Variants in KCNMA1 observed in about 807,000 individuals in gnomAD.
KCNMA1 encodes Calcium-activated potassium channel subunit alpha-1.
Under a neutral mutation model 140.0 loss-of-function variants are expected in KCNMA1, and 29 were observed. That is an observed-to-expected ratio of 0.21 (90% CI 0.15 to 0.28). The LOEUF (loss-of-function observed/expected upper bound fraction) is 0.28, where lower values mean the gene tolerates loss of function less well. Among genes scored for constraint, KCNMA1 ranks in the 10% least tolerant of loss-of-function variants. KCNMA1 has a pLI of 1.00. For missense variants in KCNMA1, 880 were observed against 1,602.2 expected, an observed-to-expected ratio of 0.55 and a Z score of 7.70; for synonymous variants, 612 against 611.9, an observed-to-expected ratio of 1.00 and a Z score of 0.00.
At chr10:77,230,718 C>A (rs2053293184) in intron 3 of KCNMA1, among the ~76,000 whole-genome samples, 1 of 152,166 alleles carries the variant, frequency 6.6e-6, no homozygotes, top group Non-Finnish European at 1.5e-5. Context: ...TCAAGTGTAA[C>A]TGAGAGCCTC....
intron 14 of KCNMA1, among the ~76,000 whole-genome samples, chr10:77,060,120 A>G (rs1297090706): frequency 2.0e-5 from 3 of 152,216 alleles, no homozygotes; most frequent in Non-Finnish European, 4.4e-5. Flanking sequence ...GACATAGTAA[A>G]GATGTCAGTG....
At chr10:77,262,208 C>A (rs2062201447) in intron 2 of KCNMA1, among the ~76,000 whole-genome samples, 1 of 152,156 alleles carries the variant, frequency 6.6e-6, no homozygotes, top group Non-Finnish European at 1.5e-5. Flanking sequence ...TCTCTCCATA[C>A]AATGGAATAC....
intron 6 of KCNMA1, among the ~76,000 whole-genome samples, chr10:77,113,467 T>G (rs2097373556): frequency 6.6e-6 from 1 of 152,128 alleles, no homozygotes. Context: ...ATTTTTATTT[T>G]ATTTTTTATT....
chr10:77,108,187 G>T lies in KCNMA1; in HGVS notation c.1223+294C>A. The T allele has an allele frequency of 2.1e-6, 2 of 959,342 alleles. No individual in the cohort carries two copies. Among genetic ancestry groups the T allele is most frequent in the Non-Finnish European group, 3.0e-6 (2 of 666,452 alleles). 59.4% of individuals were successfully genotyped at this position (959,342 alleles called of 1,614,324 possible). A position where few individuals can be genotyped will look rare whatever the true frequency, so the allele number is the denominator to read the frequency against. ...AGAAACTGGGCCTTCCCTCACAGAA[G>T]CACCCGGTGGGGTTGGGGAGGGGCA... On this transcript the variant is annotated intron_variant, in intron 9 of 27. Coordinates refer to ENST00000286628, the MANE Select transcript of KCNMA1 (RefSeq NM_001161352.2). This position sits in a 1 kb window ranked among gnomAD's most constrained non-coding sequence, Gnocchi z 4.6.
intron 2 of KCNMA1, among the ~76,000 whole-genome samples, chr10:77,298,442 A>G (rs758917080): frequency 3.3e-5 from 5 of 152,098 alleles, no homozygotes; most frequent in African/African-American, 4.8e-5. Flanking sequence ...GGGTTTCGTC[A>G]TGTTGGCCAG....
At chr10:77,366,298 AGTT>A (rs1451015409) in intron 2 of KCNMA1, among the ~76,000 whole-genome samples, 8 of 152,042 alleles carry the variant, frequency 5.3e-5, no homozygotes, top group Admixed American at 4.6e-4. Flanking sequence ...CCCCTGGAGT[AGTT>A]GAGATTACAG....
intron 13 of KCNMA1, 78 bp downstream of exon 13, chr10:77,079,403 T>TGA (rs1018539442): frequency 1.1e-5 from 9 of 799,270 alleles, no homozygotes; most frequent in East Asian, 9.8e-5. Context: ...TGTGTGTGTG[T>TGA]GAGCCTGTAT....
At chr10:77,047,380 T>A (rs73290332) in intron 14 of KCNMA1, among the ~76,000 whole-genome samples, 4 of 152,124 alleles carry the variant, frequency 2.6e-5, no homozygotes, top group Non-Finnish European at 5.9e-5. Context: ...AGAGGGCGAT[T>A]AAAAGACTAC....
intron 25 of KCNMA1, among the ~76,000 whole-genome samples, chr10:76,897,933 T>A (rs551091141): frequency 1.3e-5 from 2 of 151,868 alleles, no homozygotes; most frequent in East Asian, 3.8e-4. Flanking sequence ...AGAAAATACA[T>A]CTATAGAATG....
At chr10:77,035,823 C>T (rs904583011) in intron 15 of KCNMA1, among the ~76,000 whole-genome samples, 5 of 152,070 alleles carry the variant, frequency 3.3e-5, no homozygotes, top group African/African-American at 9.7e-5. Context: ...GACATTAACC[C>T]GTACTGACAG....
Position 77,108,238 on chromosome 10 carries a change from A to G in KCNMA1, c.1223+243T>C. 7.3e-7 allele frequency: 1 copy of G among 1,368,592 alleles called. No homozygotes were observed. The highest frequency in any genetic ancestry group is 9.6e-7 in the Non-Finnish European group (1 of 1,037,162). 84.8% of individuals were successfully genotyped at this position (1,368,592 alleles called of 1,614,324 possible). Reference sequence around the variant, plus strand: ...GAATTCAGATGGCACCTCCACAGGGACTCCTGAAAGTCACTCAACCACATC... The same window carrying G: ...GAATTCAGATGGCACCTCCACAGGGGCTCCTGAAAGTCACTCAACCACATC... On this transcript the variant is annotated intron_variant, in intron 9 of 27. Transcript: ENST00000286628. This position sits in a 1 kb window ranked among gnomAD's most constrained non-coding sequence, Gnocchi z 4.6.
Position 77,218,762 on chromosome 10 carries a change from C to T in KCNMA1, c.602+32433G>A, listed in dbSNP as rs367721188. Among the ~76,000 whole-genome samples, 36 of 152,314 alleles carry T rather than the reference C, an allele frequency of 2.4e-4. No individual in the cohort carries two copies. In the East Asian group the frequency reaches 5.8e-3, roughly 25 times the overall value. ...AGTGCAGTGGTGCAATCTCGGCTCA[C>T]TGCAACCTCCGCTTCCTGGGTTCAA... On this transcript the variant is annotated intron_variant, in intron 3 of 27. Transcript: ENST00000286628.
intron 23 of KCNMA1, among the ~76,000 whole-genome samples, chr10:76,924,131 A>G (rs2056928058): frequency 6.6e-6 from 1 of 152,236 alleles, no homozygotes; most frequent in South Asian, 2.1e-4. Flanking sequence ...ATTTCCTTAC[A>G]TTAAAAATTT....
At chr10:77,381,709 G>C (rs2095393346) in intron 2 of KCNMA1, among the ~76,000 whole-genome samples, 1 of 152,110 alleles carries the variant, frequency 6.6e-6, no homozygotes. Context: ...CAAATTAATT[G>C]TGAGAGCAAC....
At chr10:77,268,651 G>C (rs530752267) in intron 2 of KCNMA1, among the ~76,000 whole-genome samples, 6 of 152,218 alleles carry the variant, frequency 3.9e-5, no homozygotes, top group African/African-American at 1.4e-4. Context: ...GGTGAAAAGA[G>C]TAAACCAGCC....
At chr10:77,022,583 C>T (rs187250063) in intron 16 of KCNMA1, among the ~76,000 whole-genome samples, 1 of 152,210 alleles carries the variant, frequency 6.6e-6, no homozygotes, top group Admixed American at 6.5e-5. Flanking sequence ...TGTAAGGAAC[C>T]CACAGTTGAG....
chr10:77,424,546 G>A (rs573740503), intron 1 of KCNMA1, among the ~76,000 whole-genome samples: 5 of 151,714 alleles, frequency 3.3e-5, no homozygotes, highest in African/African-American at 1.2e-4. Context: ...CAATTCACCT[G>A]GGCATCTCTG....
chr10:77,304,114 G>A (rs556812856), intron 2 of KCNMA1, among the ~76,000 whole-genome samples: 2 of 152,268 alleles, frequency 1.3e-5, no homozygotes, highest in South Asian at 4.2e-4. Flanking sequence ...CCACACCTCA[G>A]CTACCTGATT....
At chr10:77,118,688 G>A (rs530438981) in intron 6 of KCNMA1, among the ~76,000 whole-genome samples, 7 of 152,088 alleles carry the variant, frequency 4.6e-5, no homozygotes, top group Non-Finnish European at 8.8e-5. Flanking sequence ...CCTTCTCCTC[G>A]AAAAGATCCT....
Sources: allele counts gnomAD v4.1 joint callset (sites outside exome capture counted in the v4.1 genomes callset), GRCh38; gene constraint gnomAD v4.1.1; non-coding constraint Gnocchi (gnomAD v3.1); transcripts MANE v1.5; gene names NCBI Gene and HGNC (gene_info 2026-07-23, HGNC 2026-07-21).